ATF7IP2: variants seen among roughly 807,000 people sequenced by gnomAD.
The protein encoded by ATF7IP2 is activating transcription factor 7-interacting protein 2.
A neutral mutation model predicts 64.2 loss-of-function variants in ATF7IP2; 42 were observed. The ratio of observed to expected loss-of-function variants is 0.65; its 90% CI spans 0.51 to 0.85. The LOEUF (loss-of-function observed/expected upper bound fraction) is 0.85, where lower values mean the gene tolerates loss of function less well. Among genes scored for constraint, ATF7IP2 ranks in the 40% least tolerant of loss-of-function variants. The pLI, the probability that ATF7IP2 is intolerant of heterozygous loss-of-function variation, is 0.00. For synonymous variants in ATF7IP2, 308 were observed against 272.8 expected (o/e 1.13, Z -1.27); for missense variants, 933 against 784.2 (o/e 1.19, Z -2.27).
At chr16:10,398,300 T>A (rs996574629) in intron 1 of ATF7IP2, among the ~76,000 whole-genome samples, 1 of 140,412 alleles carries the variant, frequency 7.1e-6, no homozygotes, top group Non-Finnish European at 1.5e-5. Context: ...CAAGACTCCA[T>A]CTCAAAAAAA....
At chr16:10,444,820 C>A (rs2048748173) in intron 8 of ATF7IP2, among the ~76,000 whole-genome samples, 1 of 152,104 alleles carries the variant, frequency 6.6e-6, no homozygotes. Context: ...GTTCCATTAT[C>A]TGAATCAATG....
chr16:10,412,722 T>C (rs1268144671), intron 1 of ATF7IP2, among the ~76,000 whole-genome samples: 1 of 152,214 alleles, frequency 6.6e-6, no homozygotes, highest in Non-Finnish European at 1.5e-5. Flanking sequence ...AAATCCATTA[T>C]TTCTTTGTTG....
chr16:10,410,602 G>A (rs576000748), intron 1 of ATF7IP2, among the ~76,000 whole-genome samples: 13 of 152,196 alleles, frequency 8.5e-5, no homozygotes, highest in South Asian at 4.2e-4. Flanking sequence ...CCTCTTTATC[G>A]ATTTGGATGC....
At chr16:10,466,802 G>A (rs953114359) in intron 9 of ATF7IP2, among the ~76,000 whole-genome samples, 2 of 151,814 alleles carry the variant, frequency 1.3e-5, no homozygotes, top group Non-Finnish European at 2.9e-5. Flanking sequence ...TTTTTTCATA[G>A]ACTATATGCT....
At chr16:10,396,604 C>T (rs2047423819) in intron 1 of ATF7IP2, among the ~76,000 whole-genome samples, 2 of 151,846 alleles carry the variant, frequency 1.3e-5, no homozygotes, top group African/African-American at 2.4e-5. Flanking sequence ...CTCACTGCAG[C>T]GTCTGCCTCC....
chr16:10,422,018 G>C lies in ATF7IP2; in HGVS notation c.-160+2395G>C, dbSNP rs140211697. Among the ~76,000 whole-genome samples the C allele has an allele frequency of 2.6e-5, 4 of 152,292 alleles. No homozygotes were observed. In the South Asian group the frequency reaches 6.2e-4, roughly 24 times the overall value. On this transcript the variant is annotated intron_variant, in intron 3 of 13. Transcript: ENST00000562102. ...AGTCCTGGCTGCAATGCCCCCATAG[G>C]TTGTATAACTGAATTAATGGCCCTT...
intron 1 of ATF7IP2, among the ~76,000 whole-genome samples, chr16:10,396,051 G>C (rs2047413685): frequency 6.6e-6 from 1 of 152,092 alleles, no homozygotes; most frequent in Non-Finnish European, 1.5e-5. Context: ...ATAAAAGCCA[G>C]TTCAACAAAG....
intron 7 of ATF7IP2, among the ~76,000 whole-genome samples, 162 bp from the exon 8 acceptor site, chr16:10,440,202 C>A (rs917074741): frequency 1.3e-5 from 2 of 152,104 alleles, no homozygotes; most frequent in African/African-American, 4.8e-5. Flanking sequence ...ATATGTTATA[C>A]AAGCATAAAA....
At position 10,432,506 on chromosome 16, in the gene ATF7IP2, C is replaced by T. The variant is rs576979307; in HGVS notation, c.836-1019C>T. Among the ~76,000 whole-genome samples the T allele has an allele frequency of 5.3e-5, 8 of 151,918 alleles. No homozygotes were observed. In the South Asian group the frequency reaches 1.0e-3, roughly 20 times the overall value. Reference sequence around the variant, plus strand: ...TGTAATTAACAGCACTTTGGGAGGCCGAGGCAGGAGGATCGCTTGAGCCAT... The same window carrying T: ...TGTAATTAACAGCACTTTGGGAGGCTGAGGCAGGAGGATCGCTTGAGCCAT... On this transcript the variant is annotated intron_variant, in intron 5 of 13. Coordinates refer to ENST00000562102, the MANE Select transcript of ATF7IP2 (RefSeq NM_001393719.1).
At chr16:10,426,226 C>T (rs1467535929) in intron 3 of ATF7IP2, among the ~76,000 whole-genome samples, 1 of 152,182 alleles carries the variant, frequency 6.6e-6, no homozygotes, top group Non-Finnish European at 1.5e-5. Flanking sequence ...TGAGTTGTGG[C>T]TTATGTGACA....
At chr16:10,440,341 A>AT (rs1184876397) in intron 7 of ATF7IP2, 23 bp from the exon 8 acceptor site, 5 of 1,282,632 alleles carry the variant, frequency 3.9e-6, no homozygotes, top group Admixed American at 2.4e-5. Flanking sequence ...CTTAGTATTT[A>AT]TTTTTTTCTC....
At chr16:10,449,272 C>A (rs959308845) in intron 8 of ATF7IP2, 1 of 151,834 alleles carries the variant, frequency 6.6e-6, no homozygotes, top group Admixed American at 6.6e-5. Flanking sequence ...CTGAAATTTT[C>A]TTTTGTTGTG....
intron 1 of ATF7IP2, among the ~76,000 whole-genome samples, chr16:10,389,711 G>T (rs1331493633): frequency 2.6e-5 from 4 of 152,228 alleles, no homozygotes; most frequent in Non-Finnish European, 5.9e-5. Flanking sequence ...ATTCGGGAGT[G>T]CTGGCAAGCA....
chr16:10,391,052 G>A (rs1244298778), intron 1 of ATF7IP2, among the ~76,000 whole-genome samples: 1 of 151,880 alleles, frequency 6.6e-6, no homozygotes, highest in Non-Finnish European at 1.5e-5. Context: ...TAGCTACTCT[G>A]GAGAATGAGA....
chr16:10,473,900 T>TTTTTTTC, intron 11 of ATF7IP2, 23 bp from the exon 12 acceptor site: 1 of 1,424,098 alleles, frequency 7.0e-7, no homozygotes, highest in Non-Finnish European at 9.5e-7. Context: ...AAAGCTTTTT[T>TTTTTTTC]TTTTTTTTTA....
At chr16:10,445,879 T>C (rs1363589215) in intron 8 of ATF7IP2, 1 of 152,238 alleles carries the variant, frequency 6.6e-6, no homozygotes, top group Non-Finnish European at 1.5e-5. Context: ...TAATAAAGCC[T>C]TGTTCAATCG....
At chr16:10,467,573 ATT>A (rs112151440) in intron 9 of ATF7IP2, among the ~76,000 whole-genome samples, 3 of 144,730 alleles carry the variant, frequency 2.1e-5, no homozygotes, top group African/African-American at 7.6e-5. Flanking sequence ...AGAAAAATCA[ATT>A]TTTTTTTTTT....
Position 10,472,109 on chromosome 16 carries a change from G to A in ATF7IP2, c.1353-1G>A, listed in dbSNP as rs1298005321. 2.6e-6 allele frequency: 4 copies of A among 1,511,644 alleles called. No homozygotes were observed. Among genetic ancestry groups the A allele is most frequent in the South Asian group, 1.2e-5 (1 of 82,852 alleles). 93.6% of individuals were successfully genotyped at this position (1,511,644 alleles called of 1,614,324 possible). A position where few individuals can be genotyped will look rare whatever the true frequency, so the allele number is the denominator to read the frequency against. ...TTTTTAATTTCTTTTTATCATTTTA[G>A]TAACAATGATGATGTTATGTTGATT... On this transcript the variant is annotated splice_acceptor_variant, in intron 9 of 13. Transcript: ENST00000562102. LOFTEE classifies it high-confidence loss of function.
At chr16:10,448,016 T>C (rs2048867552) in intron 8 of ATF7IP2, 1 of 152,234 alleles carries the variant, frequency 6.6e-6, no homozygotes, top group Non-Finnish European at 1.5e-5. Context: ...CAACACCATT[T>C]ATTAAATAGG....
Sources: gnomAD v4.1 joint callset for allele counts (sites outside exome capture counted in the v4.1 genomes callset) on GRCh38, gnomAD v4.1.1 for gene constraint, MANE v1.5 for transcripts, NCBI Gene and HGNC (gene_info 2026-07-23, HGNC 2026-07-21) for gene names.